FAM47E: variants seen among roughly 807,000 people sequenced by gnomAD.
FAM47E encodes protein FAM47E.
FAM47E carries 32 observed loss-of-function variants against 41.6 expected under a neutral mutation model. The ratio of observed to expected loss-of-function variants is 0.77; its 90% CI spans 0.58 to 1.03. The LOEUF is 1.03. FAM47E is among the 50% of genes least tolerant of loss of function. The probability of loss-of-function intolerance (pLI) is 0.00; values close to 1 mark genes in which losing one functional copy is unlikely to be tolerated. For missense variants in FAM47E, 424 were observed against 485.4 expected (o/e 0.87, Z 1.19); for synonymous variants, 184 against 188.7 (o/e 0.98, Z 0.20).
At chr4:76,274,585 A>T (rs1165880700) in intron 5 of FAM47E, among the ~76,000 whole-genome samples, 1 of 152,000 alleles carries the variant, frequency 6.6e-6, no homozygotes, top group Non-Finnish European at 1.5e-5. Context: ...TGTCTCTATT[A>T]AAAAAAATTT....
chr4:76,281,322 C>G (rs142909994), intron 7 of FAM47E: 336 of 152,224 alleles, frequency 2.2e-3, no homozygotes, highest in African/African-American at 7.8e-3. Context: ...AAGTCTAGAG[C>G]ATGAGATGGA....
intron 2 of FAM47E, among the ~76,000 whole-genome samples, chr4:76,239,009 C>T (rs555288680): frequency 6.6e-6 from 1 of 152,272 alleles, no homozygotes; most frequent in South Asian, 2.1e-4. Context: ...TTGTTATTGT[C>T]TCATTTCACT....
intron 2 of FAM47E, among the ~76,000 whole-genome samples, chr4:76,243,639 T>G (rs62300773): frequency 0.47 from 71,698 of 152,056 alleles, 19,233 homozygotes; most frequent in Non-Finnish European, 0.62. Flanking sequence ...TCTTATTCAT[T>G]CATTCATTTT....
At chr4:76,241,230 T>G (rs915670380) in intron 2 of FAM47E, among the ~76,000 whole-genome samples, 7 of 152,154 alleles carry the variant, frequency 4.6e-5, no homozygotes, top group African/African-American at 1.7e-4. Context: ...TACAGTTGTT[T>G]TGAATGTCAT....
At chr4:76,252,355 G>A (rs1173928489) in intron 1 of FAM47E, among the ~76,000 whole-genome samples, 1 of 152,134 alleles carries the variant, frequency 6.6e-6, no homozygotes, top group Non-Finnish European at 1.5e-5. Flanking sequence ...GGAACAAGAA[G>A]GTTTTTGCCT....
chr4:76,232,001 G>T (rs1467972658), intron 2 of FAM47E, among the ~76,000 whole-genome samples: 1 of 152,124 alleles, frequency 6.6e-6, no homozygotes, highest in Non-Finnish European at 1.5e-5. Flanking sequence ...AGAGAGAAGT[G>T]GATTCCTATT....
intron 2 of FAM47E, among the ~76,000 whole-genome samples, chr4:76,234,931 T>A (rs925844880): frequency 4.1e-4 from 63 of 152,018 alleles, no homozygotes; most frequent in African/African-American, 1.2e-3. Flanking sequence ...TCAAAAAAAA[T>A]TTTTCTTTGC....
chr4:76,269,053 T>G (rs1053975241), intron 4 of FAM47E: 2 of 380,092 alleles, frequency 5.3e-6, no homozygotes, highest in Non-Finnish European at 9.2e-6. Context: ...TTTCATATTT[T>G]TATTTTCCAT....
chr4:76,250,998 A>T (rs1468538884), upstream of FAM47E, among the ~76,000 whole-genome samples: 5 of 152,184 alleles, frequency 3.3e-5, no homozygotes, highest in Non-Finnish European at 7.3e-5. Flanking sequence ...TTAAAAATGT[A>T]AGTACCCTGC....
intron 2 of FAM47E, among the ~76,000 whole-genome samples, chr4:76,260,661 A>G (rs1734374288): frequency 6.6e-6 from 1 of 152,204 alleles, no homozygotes; most frequent in East Asian, 1.9e-4. Flanking sequence ...TGAGGCAAAG[A>G]ATTTATGACT....
chr4:76,279,987 C>T (rs1242552857), intron 6 of FAM47E: 1 of 275,908 alleles, frequency 3.6e-6, no homozygotes, highest in African/African-American at 2.2e-5. Flanking sequence ...AGGTTAGATT[C>T]CAGACATCAT....
chr4:76,252,096 C>T (rs1234488005), intron 1 of FAM47E, among the ~76,000 whole-genome samples: 1 of 152,178 alleles, frequency 6.6e-6, no homozygotes, highest in Non-Finnish European at 1.5e-5. Flanking sequence ...AAGTGATGGC[C>T]GCAGAGTCCG....
intron 1 of FAM47E, chr4:76,214,441 G>A (rs567058172): frequency 2.3e-5 from 9 of 391,254 alleles, no homozygotes; most frequent in East Asian, 2.3e-4. Flanking sequence ...AAAGGCATTG[G>A]GGGTGAAAGA....
chr4:76,262,874 C>T (rs573627293), intron 2 of FAM47E, among the ~76,000 whole-genome samples: 26 of 152,218 alleles, frequency 1.7e-4, no homozygotes, highest in African/African-American at 6.0e-4. Flanking sequence ...GGGATCCTCT[C>T]ACCTTAGCCT....
chr4:76,220,833 T>C lies in FAM47E; in HGVS notation c.81+3145T>C, dbSNP rs577354632. On this transcript the variant is annotated intron_variant, in intron 2 of 7. Transcript: ENST00000510197. Reference sequence around the variant, plus strand: ...TAACCAGTCATAGGTACATTTTCTGTTACATAAGAAGCAAGATTGTACAAG... The same window carrying C: ...TAACCAGTCATAGGTACATTTTCTGCTACATAAGAAGCAAGATTGTACAAG... Among the ~76,000 whole-genome samples, 6 of 152,302 alleles carry C rather than the reference T, an allele frequency of 3.9e-5. No individual in the cohort carries two copies. In the South Asian group the frequency reaches 1.2e-3, roughly 32 times the overall value.
chr4:76,268,967 G>A lies in FAM47E; in HGVS notation c.669+199G>A, dbSNP rs530336320. 9.4e-6 allele frequency: 6 copies of A among 637,478 alleles called. No individual in the cohort carries two copies. In the African/African-American group the frequency reaches 9.5e-5, roughly 10 times the overall value. 39.5% of individuals were successfully genotyped at this position (637,478 alleles called of 1,614,324 possible). ...TGTATAAATAGAAATATTTCTGGTAGATGAAATTTCTGGAAAGGTTGCAAA... is the reference window on the plus strand; with the variant it reads ...TGTATAAATAGAAATATTTCTGGTAAATGAAATTTCTGGAAAGGTTGCAAA... On this transcript the variant is annotated intron_variant, in intron 4 of 7. Transcript: ENST00000424749.
At chr4:76,254,090 T>C (rs1348814395) in intron 1 of FAM47E, among the ~76,000 whole-genome samples, 1 of 148,340 alleles carries the variant, frequency 6.7e-6, no homozygotes, top group Non-Finnish European at 1.5e-5. Context: ...TAATTGCCAC[T>C]GTACCCTAGC....
intron 1 of FAM47E, 104 bp from the exon 2 acceptor site, chr4:76,256,074 G>A (rs1287725944): frequency 3.0e-6 from 4 of 1,332,276 alleles, no homozygotes; most frequent in East Asian, 2.5e-5. Context: ...CCTAAAAGCT[G>A]GAGACCAGCC....
intron 2 of FAM47E, among the ~76,000 whole-genome samples, chr4:76,230,050 T>C (rs4859635): frequency 0.21 from 31,702 of 152,032 alleles, 3,509 homozygotes; most frequent in East Asian, 0.36. Flanking sequence ...GGCCAGGATA[T>C]GTATTTGGGT....
Sources: allele counts gnomAD v4.1 joint callset (sites outside exome capture counted in the v4.1 genomes callset), GRCh38; gene constraint gnomAD v4.1.1; transcripts MANE v1.5; gene names NCBI Gene and HGNC (gene_info 2026-07-23, HGNC 2026-07-21).